CPQ: variants seen among roughly 807,000 people sequenced by gnomAD.
The protein encoded by CPQ is Ser-Met dipeptidase.
A neutral mutation model predicts 45.7 loss-of-function variants in CPQ; 37 were observed. The observed-to-expected ratio is 0.81, with a 90% CI of 0.62 to 1.07. The LOEUF (loss-of-function observed/expected upper bound fraction) is 1.07. Among genes scored for constraint, CPQ ranks in the 50% least tolerant of loss-of-function variants. CPQ has a pLI of 0.00. For missense variants in CPQ, 537 were observed against 572.9 expected (o/e 0.94, Z 0.64); for synonymous variants, 186 against 205.8 (o/e 0.90, Z 0.82).
At chr8:97,113,113 G>A (rs1300184968) in intron 7 of CPQ, among the ~76,000 whole-genome samples, 1 of 152,150 alleles carries the variant, frequency 6.6e-6, no homozygotes, top group Non-Finnish European at 1.5e-5. Context: ...AGAAGACTGC[G>A]GGGCCATCAG....
chr8:96,777,063 G>T (rs1810614518), intron 1 of CPQ, among the ~76,000 whole-genome samples: 1 of 151,228 alleles, frequency 6.6e-6, no homozygotes. Flanking sequence ...GAGCAGTAGA[G>T]TTTTTTTTTC....
intron 1 of CPQ, among the ~76,000 whole-genome samples, chr8:96,721,370 C>T (rs1809761938): frequency 6.6e-6 from 1 of 151,968 alleles, no homozygotes; most frequent in Non-Finnish European, 1.5e-5. Context: ...TACACTGCCC[C>T]CTTCCCAATG....
chr8:96,784,449 C>T (rs1478645655), intron 1 of CPQ, among the ~76,000 whole-genome samples: 1 of 151,630 alleles, frequency 6.6e-6, no homozygotes, highest in Non-Finnish European at 1.5e-5. Context: ...CTGAGAAGGC[C>T]TCAATGGAGG....
chr8:96,716,286 C>T (rs1363185747), intron 1 of CPQ, among the ~76,000 whole-genome samples: 1 of 151,944 alleles, frequency 6.6e-6, no homozygotes, highest in African/African-American at 2.4e-5. Context: ...TTGTTGTTTC[C>T]ATGAGCAAAT....
At chr8:97,041,810 C>G (rs537772694) in intron 6 of CPQ, among the ~76,000 whole-genome samples, 2 of 152,200 alleles carry the variant, frequency 1.3e-5, no homozygotes, top group Non-Finnish European at 2.9e-5. Flanking sequence ...TATATTGAAC[C>G]AGCCTTGCAT....
At chr8:96,717,924 A>G (rs1312853245) in intron 1 of CPQ, among the ~76,000 whole-genome samples, 1 of 152,186 alleles carries the variant, frequency 6.6e-6, no homozygotes, top group Non-Finnish European at 1.5e-5. Context: ...AGTAAGCCCT[A>G]CTTAGCTCCT....
At chr8:96,923,899 A>G (rs997373446) in intron 4 of CPQ, among the ~76,000 whole-genome samples, 1 of 152,234 alleles carries the variant, frequency 6.6e-6, no homozygotes, top group Non-Finnish European at 1.5e-5. Flanking sequence ...ATTTTTTGAG[A>G]AACTTTGTAG....
At chr8:96,665,443 T>A (rs568570642) in intron 1 of CPQ, among the ~76,000 whole-genome samples, 8 of 152,260 alleles carry the variant, frequency 5.3e-5, no homozygotes, top group Middle Eastern at 3.4e-3. Context: ...GGGGAATGAA[T>A]GGGTGATTTT....
At chr8:97,070,862 G>A (rs1810728624) in intron 7 of CPQ, among the ~76,000 whole-genome samples, 1 of 152,152 alleles carries the variant, frequency 6.6e-6, no homozygotes. Flanking sequence ...CTCCAGGTTA[G>A]GATGAAAGGA....
intron 1 of CPQ, among the ~76,000 whole-genome samples, chr8:96,745,731 A>T (rs1226057094): frequency 6.6e-6 from 1 of 152,244 alleles, no homozygotes; most frequent in Non-Finnish European, 1.5e-5. Flanking sequence ...CAGAGAGGTG[A>T]ACTGGTAAAT....
chr8:96,873,274 T>G (rs1352775336), intron 3 of CPQ, among the ~76,000 whole-genome samples: 1 of 151,830 alleles, frequency 6.6e-6, no homozygotes, highest in Non-Finnish European at 1.5e-5. Flanking sequence ...GGAAGGAAAT[T>G]TAGTCCCATC....
chr8:97,023,687 C>T (rs75223935), intron 5 of CPQ, among the ~76,000 whole-genome samples: 2,855 of 152,250 alleles, frequency 0.019, 86 homozygotes, highest in African/African-American at 0.065. Context: ...AAGACCTGTT[C>T]CACAAACACA....
chr8:96,835,206 C>G (rs766411852), intron 3 of CPQ, 26 bp downstream of exon 3: 3 of 1,398,748 alleles, frequency 2.1e-6, no homozygotes, highest in Non-Finnish European at 2.8e-6. Context: ...CATTTGAATT[C>G]CTTTCAAAAA....
chr8:97,065,693 A>C (rs915302214), intron 6 of CPQ, among the ~76,000 whole-genome samples: 4 of 152,216 alleles, frequency 2.6e-5, no homozygotes, highest in Non-Finnish European at 5.9e-5. Flanking sequence ...GTGAACACTT[A>C]AGAAAATTAG....
intron 4 of CPQ, among the ~76,000 whole-genome samples, chr8:96,923,223 A>G (rs1160846897): frequency 6.6e-6 from 1 of 152,234 alleles, no homozygotes. Context: ...AATATAGAAA[A>G]GGAGTATAAA....
chr8:96,814,000 A>G (rs924734327), intron 2 of CPQ, among the ~76,000 whole-genome samples: 1 of 94,302 alleles, frequency 1.1e-5, no homozygotes, highest in African/African-American at 3.3e-5. Flanking sequence ...ATATATATAC[A>G]CACATATATA....
chr8:96,870,709 G>A (rs1812056428), intron 3 of CPQ, among the ~76,000 whole-genome samples: 1 of 152,004 alleles, frequency 6.6e-6, no homozygotes, highest in South Asian at 2.1e-4. Flanking sequence ...CAGCACACTG[G>A]CAGGCACAGG....
chr8:97,055,677 A>T (rs1423807585), intron 6 of CPQ: 10 of 152,150 alleles, frequency 6.6e-5, no homozygotes, highest in Admixed American at 5.2e-4. Flanking sequence ...AGCCAACAAG[A>T]TTTGTTGATA....
At chr8:96,914,997 T>C (rs1260086743) in intron 4 of CPQ, among the ~76,000 whole-genome samples, 2 of 152,148 alleles carry the variant, frequency 1.3e-5, no homozygotes, top group African/African-American at 2.4e-5. Context: ...AGGGAAATCT[T>C]CTAAGTTATC....
Sources: allele counts gnomAD v4.1 joint callset (sites outside exome capture counted in the v4.1 genomes callset), GRCh38; gene constraint gnomAD v4.1.1; transcripts MANE v1.5; gene names NCBI Gene and HGNC (gene_info 2026-07-23, HGNC 2026-07-21).